MACROD2: variants seen among roughly 807,000 people sequenced by gnomAD.
MACROD2 encodes the protein ADP-ribose glycohydrolase MACROD2.
A neutral mutation model predicts 70.4 loss-of-function variants in MACROD2; 36 were observed. The ratio of observed to expected loss-of-function variants is 0.51; its 90% CI spans 0.39 to 0.68. The LOEUF (loss-of-function observed/expected upper bound fraction) is 0.68, where lower values mean the gene tolerates loss of function less well. Ranked by LOEUF, MACROD2 falls within the 30% of genes least tolerant of loss-of-function variation. The pLI is 0.00. For missense variants in MACROD2, 496 were observed against 538.4 expected, an observed-to-expected ratio of 0.92 and a Z score of 0.78; for synonymous variants, 172 against 178.8, an observed-to-expected ratio of 0.96 and a Z score of 0.30.
chr20:14,167,091 T>A (rs867892242), intron 3 of MACROD2, among the ~76,000 whole-genome samples: 9 of 151,772 alleles, frequency 5.9e-5, no homozygotes, highest in Non-Finnish European at 1.2e-4. Context: ...TGATTTTCTG[T>A]TTTTTTTCTC....
At chr20:14,371,049 A>G (rs1004521291) in intron 3 of MACROD2, among the ~76,000 whole-genome samples, 1 of 152,226 alleles carries the variant, frequency 6.6e-6, no homozygotes, top group Non-Finnish European at 1.5e-5. Context: ...AAGACAGACA[A>G]TACCAAAACT....
chr20:14,133,851 T>G (rs954493970), intron 3 of MACROD2, among the ~76,000 whole-genome samples: 2 of 152,220 alleles, frequency 1.3e-5, no homozygotes, highest in East Asian at 3.8e-4. Flanking sequence ...AGGGACTCTC[T>G]CAGCTGCAGG....
chr20:15,183,654 A>G (rs959114570), intron 5 of MACROD2, among the ~76,000 whole-genome samples: 1 of 152,212 alleles, frequency 6.6e-6, no homozygotes, highest in Non-Finnish European at 1.5e-5. Context: ...GAGAGCAGAG[A>G]GTAAAACCTC....
intron 8 of MACROD2, among the ~76,000 whole-genome samples, chr20:15,515,861 C>T (rs1470899083): frequency 6.6e-6 from 1 of 152,178 alleles, no homozygotes; most frequent in East Asian, 1.9e-4. Context: ...TTCTACCCTG[C>T]TCTTTCCTTT....
At chr20:14,262,359 T>C (rs898300174) in intron 3 of MACROD2, among the ~76,000 whole-genome samples, 12 of 152,296 alleles carry the variant, frequency 7.9e-5, no homozygotes, top group African/African-American at 2.4e-4. Context: ...GATTTGGGTG[T>C]CTGATTGCAT....
At chr20:14,582,135 G>A (rs1024697120) in intron 4 of MACROD2, among the ~76,000 whole-genome samples, 6 of 151,968 alleles carry the variant, frequency 3.9e-5, no homozygotes, top group Non-Finnish European at 7.4e-5. Context: ...TAAACTATCT[G>A]TGCACAAGTC....
In MACROD2 at chr20:14,854,558, T is replaced by C. The variant is rs187460767; in HGVS notation, c.418+169599T>C. ...AACTTGGGCTTATGCTATGTCTTGA[T>C]GTAATGCAAATAAAATAGATTATAT... On this transcript the variant is annotated intron_variant, in intron 5 of 17. Transcript: ENST00000684519. 3.1e-3 allele frequency among the ~76,000 whole-genome samples: 474 copies of C among 152,290 alleles called. 5 individuals are homozygous for C. Among genetic ancestry groups the C allele is most frequent in the Non-Finnish European group, 5.4e-3 (369 of 68,022 alleles).
chr20:15,157,994 T>A (rs1390021120), intron 5 of MACROD2, among the ~76,000 whole-genome samples: 2 of 152,152 alleles, frequency 1.3e-5, no homozygotes, highest in Non-Finnish European at 2.9e-5. Flanking sequence ...TTCTCTTCAG[T>A]TACCCCTTGG....
chr20:14,178,573 T>C (rs941233438), intron 3 of MACROD2, among the ~76,000 whole-genome samples: 9 of 152,036 alleles, frequency 5.9e-5, no homozygotes, highest in African/African-American at 1.9e-4. Context: ...GTTATGTACA[T>C]GGATTGAGTA....
intron 15 of MACROD2, among the ~76,000 whole-genome samples, chr20:16,034,442 T>C (rs913429405): frequency 6.6e-6 from 1 of 152,032 alleles, no homozygotes; most frequent in African/African-American, 2.4e-5. Context: ...ATTGAGCTCA[T>C]CTTTTCCAAC....
intron 15 of MACROD2, among the ~76,000 whole-genome samples, chr20:16,022,150 A>G (rs939916290): frequency 1.4e-5 from 2 of 143,962 alleles, no homozygotes; most frequent in East Asian, 2.1e-4. Flanking sequence ...TCCCGGGTTC[A>G]TGCCATTCTC....
chr20:14,175,027 T>A (rs1369744875), intron 3 of MACROD2, among the ~76,000 whole-genome samples: 1 of 152,158 alleles, frequency 6.6e-6, no homozygotes, highest in Non-Finnish European at 1.5e-5. Flanking sequence ...CACTAGCAGT[T>A]TTTCAGCTGT....
rs141167850 is a variant in MACROD2, at chr20:15,101,968, A to G, written c.419-127972A>G. Among the ~76,000 whole-genome samples the G allele has an allele frequency of 3.4e-3, 517 of 152,164 alleles. 11 individuals carry two copies. Among genetic ancestry groups the G allele is most frequent in the African/African-American group, 0.012 (496 of 41,536 alleles). On this transcript the variant is annotated intron_variant, in intron 5 of 17. Coordinates refer to ENST00000684519, the MANE Select transcript of MACROD2 (RefSeq NM_001351661.2). ...AGAATGTCTTCCTATAAGTATTAAG[A>G]GTCCTAGTAAAAATAACAACAAAAT...
intron 5 of MACROD2, among the ~76,000 whole-genome samples, chr20:14,948,360 C>T (rs1003172606): frequency 6.6e-6 from 1 of 152,178 alleles, no homozygotes; most frequent in African/African-American, 2.4e-5. Flanking sequence ...CTAATCAAAT[C>T]CTTAACTAGC....
chr20:15,964,633 T>C (rs1236528346), intron 12 of MACROD2, among the ~76,000 whole-genome samples: 1 of 152,152 alleles, frequency 6.6e-6, no homozygotes, highest in African/African-American at 2.4e-5. Flanking sequence ...TTCACGTACA[T>C]ATTCAATGCA....
At chr20:14,852,415 G>A (rs190625376) in intron 5 of MACROD2, among the ~76,000 whole-genome samples, 8 of 152,242 alleles carry the variant, frequency 5.3e-5, no homozygotes, top group African/African-American at 1.9e-4. Context: ...ATTGCAGTGG[G>A]CAAAGGATGA....
At chr20:14,812,216 G>C (rs2072722835) in intron 5 of MACROD2, among the ~76,000 whole-genome samples, 1 of 152,046 alleles carries the variant, frequency 6.6e-6, no homozygotes, top group Admixed American at 6.6e-5. Flanking sequence ...AGAAAATGTG[G>C]TACATATACA....
At chr20:14,763,077 G>A (rs1428256853) in intron 5 of MACROD2, among the ~76,000 whole-genome samples, 1 of 151,954 alleles carries the variant, frequency 6.6e-6, no homozygotes, top group Non-Finnish European at 1.5e-5. Context: ...GATGGGGTTA[G>A]GACCAAAGAA....
chr20:15,941,617 T>C (rs564097005), intron 12 of MACROD2, among the ~76,000 whole-genome samples: 4 of 152,348 alleles, frequency 2.6e-5, no homozygotes, highest in Admixed American at 1.3e-4. Flanking sequence ...AAATATCTCT[T>C]CTCAGTGACA....
Sources: gnomAD v4.1 joint callset for allele counts (sites outside exome capture counted in the v4.1 genomes callset) on GRCh38, gnomAD v4.1.1 for gene constraint, MANE v1.5 for transcripts, NCBI Gene and HGNC (gene_info 2026-07-23, HGNC 2026-07-21) for gene names.